The following CELSR3 variants were observed in gnomAD, a reference collection of about 807,000 sequenced individuals.
CELSR3 encodes EGF-like protein 1.
Under a neutral mutation model 270.0 loss-of-function variants are expected in CELSR3, and 73 were observed. The ratio of observed to expected loss-of-function variants is 0.27; its 90% CI spans 0.22 to 0.33. CELSR3 has a LOEUF of 0.33. Ranked by LOEUF, CELSR3 falls within the 10% of genes least tolerant of loss-of-function variation. The pLI is 1.00. For synonymous variants in CELSR3, 1,780 were observed against 1,905.4 expected (o/e 0.93, Z 1.71); for missense variants, 3,614 against 4,533.8 (o/e 0.80, Z 5.83).
Position 48,660,242 on chromosome 3 carries a change from G to C in CELSR3, c.2393C>G (p.Thr798Ser), listed in dbSNP as rs1254922586. The change falls in exon 1 of 35, where the codon ACC becomes AGC. Residue 798 changes from threonine (T) to serine (S), a missense_variant. Around this residue, in one of 7 missense-constraint regions of CELSR3, gnomAD observed 215 missense variants for 241.2 expected, o/e 0.89. Transcript: ENST00000164024. This position sits in a 1 kb window ranked among gnomAD's most constrained non-coding sequence, Gnocchi z 5.5. ...GGTGCTGATGGCAAAGCGATTCCGG[G>C]TGTTGCCGCCTGTGATCTGGTAGCT... Reference protein sequence around the residue: ...AISYQITGGNTRNRFAISTQG... With the variant: ...AISYQITGGNSRNRFAISTQG... 1.2e-6 allele frequency: 2 copies of C among 1,614,028 alleles called. No homozygotes were observed. The highest frequency in any genetic ancestry group is 2.7e-5 in the African/African-American group (2 of 74,898).
In CELSR3 at chr3:48,642,276, TG is replaced by T; in HGVS notation, c.8665+81del. Reference sequence around the variant, plus strand: ...AGATCGTCCCACCCCAGTCAGCCACTGCTCCCAGTATGGGGTAGAAGAAAAG... The same window carrying T: ...AGATCGTCCCACCCCAGTCAGCCACTCTCCCAGTATGGGGTAGAAGAAAAG... On this transcript the variant is annotated intron_variant, in intron 31 of 34. Transcript: ENST00000164024. The surrounding 1 kb of genome is among the most constrained non-coding windows in gnomAD (Gnocchi z 6.1). The T allele has an allele frequency of 7.0e-7, 1 of 1,437,352 alleles. No individual in the cohort carries two copies. The highest frequency in any genetic ancestry group is 9.4e-7 in the Non-Finnish European group (1 of 1,060,954). 89.0% of individuals were successfully genotyped at this position (1,437,352 alleles called of 1,614,324 possible).
At position 48,657,029 on chromosome 3, in the gene CELSR3, C is replaced by A; in HGVS notation, c.4068G>T (p.Leu1356Phe). The A allele has an allele frequency of 6.2e-7, 1 of 1,613,644 alleles. No individual in the cohort carries two copies. Among genetic ancestry groups the A allele is most frequent in the Non-Finnish European group, 8.5e-7 (1 of 1,179,862 alleles). ...CCGCCAGCGCCGCCCGGCGCACGTA[C>A]AACTGCTCCTGCAGCTCCTCGGAGC... ...WFSSEELQEQ[L>F]YVRRAALAAR... Residue 1356 changes from leucine to phenylalanine, a missense_variant, in exon 2 of 35, where the codon TTG (leucine) becomes TTT (phenylalanine). Coordinates refer to ENST00000164024, the MANE Select transcript of CELSR3 (RefSeq NM_001407.3). This position sits in a 1 kb window ranked among gnomAD's most constrained non-coding sequence, Gnocchi z 5.4.
chr3:48,648,817 C>A lies in CELSR3; in HGVS notation c.6679G>T (p.Val2227Phe), dbSNP rs200102981. 4.1e-5 allele frequency: 66 copies of A among 1,613,002 alleles called. No homozygotes were observed. Among genetic ancestry groups the A allele is most frequent in the Non-Finnish European group, 4.8e-5 (57 of 1,180,010 alleles). ...GHTDHYFSQD[V>F]RVTARLLAHL... ...GCCAGCAGGCGGGCAGTGACTCGAA[C>A]ATCTTGGCTAAAATAGTGGTCAGTG... Residue 2227 changes from valine (V) to phenylalanine (F), a missense_variant, in exon 18 of 35, where the codon GTT becomes TTT. Physicochemically the swap from Val to Phe is conservative, Grantham distance 50. Coordinates refer to ENST00000164024, the MANE Select transcript of CELSR3 (RefSeq NM_001407.3).
Position 48,659,379 on chromosome 3 carries a change from C to T in CELSR3, c.3256G>A (p.Val1086Met). 6.2e-7 allele frequency: 1 copy of T among 1,614,202 alleles called. No homozygotes were observed. Residue 1086 changes from valine to methionine, a missense_variant, in exon 1 of 35, where the codon GTG becomes ATG. Val to Met is a conservative substitution (Grantham distance 21, BLOSUM62 1). This residue lies in a region of CELSR3 where 1,331 missense variants were observed against 1,933.7 expected (regional missense o/e 0.69). Transcript: ENST00000164024. This position sits in a 1 kb window ranked among gnomAD's most constrained non-coding sequence, Gnocchi z 8.1. The stretch of plus-strand genomic sequence containing the variant: ...GGGTCCACTGCAGTGATCTGGGCCA[C>T]CACTGAGCCCACAATGCTATTCTCT... The part of the protein sequence containing the change: ...VKENSIVGSV[V>M]AQITAVDPDE...
At chr3:48,647,098 T>C (rs991024250) in intron 20 of CELSR3, among the ~76,000 whole-genome samples, 170 bp from the exon 21 acceptor site, 3 of 140,350 alleles carry the variant, frequency 2.1e-5, no homozygotes, top group Non-Finnish European at 4.6e-5. Context: ...GAGGGGTCAT[T>C]TGTGATGAGG....
chr3:48,645,982 T>G lies in CELSR3; in HGVS notation c.7463+108A>C. 8 of 1,574,098 alleles carry G rather than the reference T, an allele frequency of 5.1e-6. No individual in the cohort carries two copies. Among genetic ancestry groups the G allele is most frequent in the Non-Finnish European group, 6.9e-6 (8 of 1,155,236 alleles). ...AGTTGGGGTACAGCATTCCTCATGG[T>G]CCGGGTTGCACAACAGCACTAGTGG... On this transcript the variant is annotated intron_variant, in intron 22 of 34. Coordinates refer to ENST00000164024, the MANE Select transcript of CELSR3 (RefSeq NM_001407.3). The surrounding 1 kb of genome is among the most constrained non-coding windows in gnomAD (Gnocchi z 5.4).
chr3:48,655,899 G>T lies in CELSR3; in HGVS notation c.4626-48C>A. On this transcript the variant is annotated intron_variant, in intron 3 of 34. Transcript: ENST00000164024. This position sits in a 1 kb window ranked among gnomAD's most constrained non-coding sequence, Gnocchi z 5.8. The stretch of plus-strand genomic sequence containing the variant: ...GCGGGGGTGGGAGCGTCAGGAGCAG[G>T]GTACCACTTCACACCCACCATCCCT... 1 of 1,380,936 alleles carries T rather than the reference G, an allele frequency of 7.2e-7. No homozygotes were observed. Among genetic ancestry groups the T allele is most frequent in the Non-Finnish European group, 1.0e-6 (1 of 990,680 alleles). 85.5% of individuals were successfully genotyped at this position (1,380,936 alleles called of 1,614,324 possible). A position where few individuals can be genotyped will look rare whatever the true frequency, so the allele number is the denominator to read the frequency against.
chr3:48,648,768 T>C lies in CELSR3; in HGVS notation c.6728A>G (p.His2243Arg). Residue 2243 changes from histidine (H) to arginine (R), a missense_variant, in exon 18 of 35, where the codon CAT becomes CGT. Coordinates refer to ENST00000164024, the MANE Select transcript of CELSR3 (RefSeq NM_001407.3). ...GGCTGTCAGCCCGAAGCCCTGCTGA[T>C]GGCTCTCGAAGGCCAGCAGGTGGGC... ...LLAHLLAFESHQQGFGLTATQ... is the reference protein window; with the variant it reads ...LLAHLLAFESRQQGFGLTATQ... 1 of 1,612,936 alleles carries C rather than the reference T, an allele frequency of 6.2e-7. No homozygotes were observed. Among genetic ancestry groups the C allele is most frequent in the Non-Finnish European group, 8.5e-7 (1 of 1,180,002 alleles).
In CELSR3 at chr3:48,661,045, G is replaced by A. The variant is rs572369761; in HGVS notation, c.1590C>T (p.Arg530=). Reference sequence around the variant, plus strand: ...TCTCGTCTAGCACAGTTATGTGTACGCGCACAGTGGCCGAGCGCGGCCCGG... The same window carrying A: ...TCTCGTCTAGCACAGTTATGTGTACACGCACAGTGGCCGAGCGCGGCCCGG... ...QEPGPRSATV[R]VHITVLDEND... Residue 530 remains arginine (R), a synonymous_variant, in exon 1 of 35, where the codon CGC becomes CGT. Coordinates refer to ENST00000164024, the MANE Select transcript of CELSR3 (RefSeq NM_001407.3). The A allele has an allele frequency of 2.1e-5, 34 of 1,613,672 alleles. No homozygotes were observed. The highest frequency in any genetic ancestry group is 1.9e-4 in the South Asian group (17 of 91,092).
rs1376999557 is a variant in CELSR3, at chr3:48,643,171, A to T, written c.8290-88T>A. On this transcript the variant is annotated intron_variant, in intron 28 of 34. Transcript: ENST00000164024. ...CTGTGGGTCAGCAATGGGGTCAGTC[A>T]CTGTAGGCTAGTGTGGGTCAGTGAG... 13 of 879,450 alleles carry T rather than the reference A, an allele frequency of 1.5e-5. No homozygotes were observed. In the Admixed American group the frequency reaches 2.3e-4, roughly 16 times the overall value. The allele number at this position is 879,450 out of a possible 1,614,324, so 54.5% of individuals were successfully genotyped here.
Position 48,640,542 on chromosome 3 carries a change from A to G in CELSR3, c.9043T>C (p.Leu3015=), listed in dbSNP as rs755085268. 14 of 1,588,888 alleles carry G rather than the reference A, an allele frequency of 8.8e-6. No homozygotes were observed. The highest frequency in any genetic ancestry group is 1.3e-5 in the African/African-American group (1 of 74,194). ...GTCTGTGGCACCAGTGGGTATTGCA[A>G]CCGGTTCTTCAGGATGCCTGTGAGA... ...RQRKGILKNR[L]QYPLVPQTRG... is the part of the protein sequence containing the mutation. The change falls in exon 34 of 35, where the codon TTG becomes CTG. Residue 3015 remains leucine (L), a synonymous_variant. Coordinates refer to ENST00000164024, the MANE Select transcript of CELSR3 (RefSeq NM_001407.3). This position sits in a 1 kb window ranked among gnomAD's most constrained non-coding sequence, Gnocchi z 7.5.
chr3:48,661,285 G>A lies in CELSR3; in HGVS notation c.1350C>T (p.Tyr450=). The A allele has an allele frequency of 6.2e-7, 1 of 1,613,336 alleles. No individual in the cohort carries two copies. Among genetic ancestry groups the A allele is most frequent in the Non-Finnish European group, 8.5e-7 (1 of 1,179,742 alleles). Residue 450 remains tyrosine, a synonymous_variant, in exon 1 of 35, where the codon TAC becomes TAT. Coordinates refer to ENST00000164024, the MANE Select transcript of CELSR3 (RefSeq NM_001407.3). ...CAGTGGCACGCAGCTGCAGGATAGG[G>A]TAGCCCTCCTCCACATTCTCGCGAA... ...ETLRENVEEG[Y]PILQLRATDG... is the part of the protein sequence containing the mutation.
Position 48,648,250 on chromosome 3 carries a change from CCCA to C in CELSR3, c.6973+13_6973+15del. On this transcript the variant is annotated intron_variant, in intron 19 of 34. Transcript: ENST00000164024. Reference sequence around the variant, plus strand: ...GCCCCCCTGCTGTGCCCCGCCCTACCCCACCCACAACGCACTGATATTAGGCGT... The same window carrying C: ...GCCCCCCTGCTGTGCCCCGCCCTACCCCCACAACGCACTGATATTAGGCGT... 1 of 1,536,016 alleles carries C rather than the reference CCCA, an allele frequency of 6.5e-7. No homozygotes were observed. Among genetic ancestry groups the C allele is most frequent in the Non-Finnish European group, 9.0e-7 (1 of 1,113,752 alleles).
chr3:48,653,012 C>T lies in CELSR3; in HGVS notation c.5624G>A (p.Ser1875Asn). ...HHVLMVSLDF[S>N]LFQDTMAVGS... ...GGTCAGAGGCCAGACCTGGAAGAGG[C>T]TAAAGTCCAGTGAGACCATAAGGAC... Residue 1875 changes from serine to asparagine, a missense_variant, in exon 10 of 35, where the codon AGC (serine) becomes AAC (asparagine). By Grantham distance (46) the Ser-to-Asn change is conservative. Around this residue, in one of 7 missense-constraint regions of CELSR3, gnomAD observed 1,331 missense variants for 1,933.7 expected, o/e 0.69. Coordinates refer to ENST00000164024, the MANE Select transcript of CELSR3 (RefSeq NM_001407.3). This position sits in a 1 kb window ranked among gnomAD's most constrained non-coding sequence, Gnocchi z 6.5. 6.2e-7 allele frequency: 1 copy of T among 1,613,092 alleles called. No individual in the cohort carries two copies. The highest frequency in any genetic ancestry group is 2.2e-5 in the East Asian group (1 of 44,882).
At chr3:48,647,777 A>T in intron 20 of CELSR3, 64 bp downstream of exon 20, 1 of 1,541,052 alleles carries the variant, frequency 6.5e-7, no homozygotes, top group South Asian at 1.1e-5. Flanking sequence ...GGAGGGCAAC[A>T]TAGTATCTGG....
In CELSR3 at chr3:48,644,978, G is replaced by A; in HGVS notation, c.7972+57C>T. The A allele has an allele frequency of 6.5e-7, 1 of 1,549,330 alleles. No individual in the cohort carries two copies. Among genetic ancestry groups the A allele is most frequent in the South Asian group, 1.2e-5 (1 of 82,812 alleles). On this transcript the variant is annotated intron_variant, in intron 25 of 34. Transcript: ENST00000164024. This position sits in a 1 kb window ranked among gnomAD's most constrained non-coding sequence, Gnocchi z 4.8. Reference sequence around the variant, plus strand: ...GTTGGGGGTCATGAGCAGGAGTGGGGACAGGGTCAGGGGTCAGGCCATGTG... The same window carrying A: ...GTTGGGGGTCATGAGCAGGAGTGGGAACAGGGTCAGGGGTCAGGCCATGTG...
Position 48,653,721 on chromosome 3 carries a change from A to T in CELSR3, c.5346T>A (p.Ala1782=), listed in dbSNP as rs759791634. The T allele has an allele frequency of 6.2e-6, 10 of 1,614,080 alleles. No individual in the cohort carries two copies. In the Admixed American group the frequency reaches 1.7e-4, roughly 27 times the overall value. The change falls in exon 9 of 35, where the codon GCT becomes GCA. Residue 1782 remains alanine, a synonymous_variant. Transcript: ENST00000164024. The surrounding 1 kb of genome is among the most constrained non-coding windows in gnomAD (Gnocchi z 6.5). ...TLSWNFGSDM[A]VSVPWYLGLA... is the part of the protein sequence containing the mutation. ...GCCCCAGGTACCATGGCACAGACAC[A>T]GCCATGTCACTTCCAAAGTTCCAGC...
Position 48,644,636 on chromosome 3 carries a change from G to A in CELSR3, c.8085+80C>T, listed in dbSNP as rs997020177. On this transcript the variant is annotated intron_variant, in intron 26 of 34. Coordinates refer to ENST00000164024, the MANE Select transcript of CELSR3 (RefSeq NM_001407.3). This position sits in a 1 kb window ranked among gnomAD's most constrained non-coding sequence, Gnocchi z 4.8. ...GAAGCCTGCAGAATGCCACCTGACC[G>A]CCCTCAGCTGAGTCCACTGCACCTC... 1.6e-5 allele frequency: 18 copies of A among 1,153,356 alleles called. No homozygotes were observed. Among genetic ancestry groups the A allele is most frequent in the African/African-American group, 1.2e-4 (8 of 65,302 alleles). The allele number at this position is 1,153,356 out of a possible 1,614,324, so 71.4% of individuals were successfully genotyped here.
At position 48,653,178 on chromosome 3, in the gene CELSR3, C is replaced by T; in HGVS notation, c.5458G>A (p.Gly1820Arg). 2 of 1,613,048 alleles carry T rather than the reference C, an allele frequency of 1.2e-6. No individual in the cohort carries two copies. The highest frequency in any genetic ancestry group is 1.7e-6 in the Non-Finnish European group (2 of 1,179,890). ...CTGGTCACTGTCACAGACAGTAACCCCCGATCTAGCTGTGGGCAGAGATGC... is the reference window on the plus strand; with the variant it reads ...CTGGTCACTGTCACAGACAGTAACCTCCGATCTAGCTGTGGGCAGAGATGC... ...HSTLLCQLDR[G>R]LLSVTVTRGS... Residue 1820 changes from glycine (G) to arginine (R), a missense_variant, in exon 10 of 35, where the codon GGG (glycine) becomes AGG (arginine). Physicochemically the swap from Gly to Arg is moderately radical, Grantham distance 125 (BLOSUM62 -2). Around this residue, in one of 7 missense-constraint regions of CELSR3, gnomAD observed 1,331 missense variants for 1,933.7 expected, o/e 0.69. Coordinates refer to ENST00000164024, the MANE Select transcript of CELSR3 (RefSeq NM_001407.3). This position sits in a 1 kb window ranked among gnomAD's most constrained non-coding sequence, Gnocchi z 6.5.
Sources: allele counts gnomAD v4.1 joint callset (sites outside exome capture counted in the v4.1 genomes callset), GRCh38; gene constraint gnomAD v4.1.1; regional missense constraint gnomAD v4.1.1; non-coding constraint Gnocchi (gnomAD v3.1); transcripts MANE v1.5; gene names NCBI Gene and HGNC (gene_info 2026-07-23, HGNC 2026-07-21).